Variants in UBR4 observed in about 807,000 individuals in gnomAD.
UBR4 encodes the protein E3 ubiquitin-protein ligase UBR4.
In UBR4, 124 loss-of-function variants were observed where a neutral mutation model predicts 575.6. The observed-to-expected ratio is 0.22, with a 90% CI of 0.19 to 0.25. The LOEUF (loss-of-function observed/expected upper bound fraction) is 0.25, where lower values mean the gene tolerates loss of function less well. Ranked by LOEUF, UBR4 falls within the 10% of genes least tolerant of loss-of-function variation. UBR4 has a pLI of 1.00. For synonymous variants in UBR4, 2,455 were observed against 2,473.7 expected (o/e 0.99, Z 0.22); for missense variants, 4,818 against 6,478.8 (o/e 0.74, Z 8.80).
rs1392326995 is a variant in UBR4, at chr1:19,152,247, G to A, written c.6996+66C>T. On this transcript the variant is annotated intron_variant, in intron 47 of 105. Transcript: ENST00000375254. The surrounding 1 kb of genome is among the most constrained non-coding windows in gnomAD (Gnocchi z 4.4). The stretch of plus-strand genomic sequence containing the variant: ...ATACTTGCTTTCTAAAAGGAGATGT[G>A]TTCTCAAACCATATTGTTTGAGTCC... The A allele has an allele frequency of 6.3e-7, 1 of 1,588,076 alleles. No individual in the cohort carries two copies. The highest frequency in any genetic ancestry group is 1.1e-5 in the South Asian group (1 of 88,778).
rs758554754 is a variant in UBR4 at position 19,160,169 on chromosome 1, T to C, written c.5519A>G (p.Gln1840Arg). Reference sequence around the variant, plus strand: ...CACAGTGTGTAGCTCACTGAGGGCTTGCTGAGCACGGCTGCTGCTCCCGAC... The same window carrying C: ...CACAGTGTGTAGCTCACTGAGGGCTCGCTGAGCACGGCTGCTGCTCCCGAC... ...SAVGSSSRAQ[Q>R]ALSELHTVEK... The change falls in exon 39 of 106, where the codon CAA (glutamine) becomes CGA (arginine). Residue 1840 changes from glutamine (Q) to arginine (R), a missense_variant. Coordinates refer to ENST00000375254, the MANE Select transcript of UBR4 (RefSeq NM_020765.3). 6.2e-7 allele frequency: 1 copy of C among 1,614,082 alleles called. No individual in the cohort carries two copies. Among genetic ancestry groups the C allele is most frequent in the South Asian group, 1.1e-5 (1 of 91,078 alleles).
rs142837056 is a variant in UBR4 at position 19,160,258 on chromosome 1, G to A, written c.5430C>T (p.Leu1810=). 8.1e-6 allele frequency: 13 copies of A among 1,610,992 alleles called. No homozygotes were observed. The highest frequency in any genetic ancestry group is 2.2e-5 in the East Asian group (1 of 44,754). ...QNQANFSFAP[L]VLDMLNFLMD... is the part of the protein sequence containing the mutation. ...TAAGGAAATTAAGCATGTCTAACAC[G>A]AGAGGAGCGAAGGAGAAATTGGCCT... is the stretch of plus-strand genomic sequence containing the variant. The change falls in exon 39 of 106, where the codon CTC becomes CTT. Residue 1810 remains leucine, a synonymous_variant. Transcript: ENST00000375254.
At chr1:19,091,632 A>C (rs2077519963) in intron 97 of UBR4, among the ~76,000 whole-genome samples, 1 of 152,250 alleles carries the variant, frequency 6.6e-6, no homozygotes, top group Non-Finnish European at 1.5e-5. Flanking sequence ...CACATCTTCC[A>C]AACAGTTCAA....
In UBR4 at chr1:19,138,111, G is replaced by A; in HGVS notation, c.8802C>T (p.Ser2934=). 1 of 1,599,050 alleles carries A rather than the reference G, an allele frequency of 6.3e-7. No homozygotes were observed. The highest frequency in any genetic ancestry group is 8.5e-7 in the Non-Finnish European group (1 of 1,171,360). The change falls in exon 60 of 106, where the codon AGC becomes AGT. Residue 2934 remains serine (S), a synonymous_variant. Transcript: ENST00000375254. ...EGHPAGPGSV[S]SSTGAISTTT... The stretch of plus-strand genomic sequence containing the variant: ...TGGTGCTGATGGCTCCAGTGCTTGA[G>A]CTGACACTTCCTGGTCCAGCCGGAT...
intron 97 of UBR4, 129 bp downstream of exon 97, chr1:19,092,690 G>A: frequency 1.5e-6 from 1 of 677,910 alleles, no homozygotes; most frequent in Non-Finnish European, 2.4e-6. Flanking sequence ...CATAGATGAA[G>A]TAGATGACTT....
intron 101 of UBR4, among the ~76,000 whole-genome samples, chr1:19,085,466 G>A (rs926655941): frequency 6.6e-6 from 1 of 152,204 alleles, no homozygotes; most frequent in Non-Finnish European, 1.5e-5. Flanking sequence ...AGGCTGCAGT[G>A]AGCCAAGATC....
chr1:19,075,964 G>A (rs2075894202), intron 105 of UBR4, among the ~76,000 whole-genome samples: 1 of 152,194 alleles, frequency 6.6e-6, no homozygotes, highest in Admixed American at 6.5e-5. Context: ...CGTTGGCTCT[G>A]GGGAGCTGAC....
At chr1:19,120,655 A>G (rs536917570) in intron 68 of UBR4, among the ~76,000 whole-genome samples, 22 of 152,322 alleles carry the variant, frequency 1.4e-4, no homozygotes, top group Admixed American at 1.2e-3. Context: ...GAACAAATAC[A>G]GTGACACTGG....
In UBR4 at chr1:19,210,265, G is replaced by A. The variant is rs2093255200; in HGVS notation, c.-17C>T. The stretch of plus-strand genomic sequence containing the variant: ...CGTCGCCATCTTCCGTCGTACTACT[G>A]CGGCTCCCTCCGGGGGCTTGCCACC... On this transcript the variant is annotated 5_prime_UTR_variant, in exon 1 of 106. Coordinates refer to ENST00000375254, the MANE Select transcript of UBR4 (RefSeq NM_020765.3). 12 of 1,441,440 alleles carry A rather than the reference G, an allele frequency of 8.3e-6. No homozygotes were observed. The highest frequency in any genetic ancestry group is 1.5e-5 in the African/African-American group (1 of 67,078). The allele number at this position is 1,441,440 out of a possible 1,614,324, so 89.3% of individuals were successfully genotyped here. A position where few individuals can be genotyped will look rare whatever the true frequency, so the allele number is the denominator to read the frequency against.
intron 25 of UBR4, among the ~76,000 whole-genome samples, chr1:19,171,234 T>C (rs895763710): frequency 2.6e-5 from 4 of 152,122 alleles, no homozygotes; most frequent in Non-Finnish European, 5.9e-5. Context: ...AAACTGTTTA[T>C]CCAACATTTT....
rs1188193977 is a variant in UBR4 at position 19,139,740 on chromosome 1, CCT to C, written c.8594-522_8594-521del. Reference sequence around the variant, plus strand: ...ACTTAGCATGAGCTCTTGAATCAACCCTGTTTTGGTTTTTTTAGCAAGTGGTC... The same window carrying C: ...ACTTAGCATGAGCTCTTGAATCAACCGTTTTGGTTTTTTTAGCAAGTGGTC... On this transcript the variant is annotated intron_variant, in intron 58 of 105. Transcript: ENST00000375254. This position sits in a 1 kb window ranked among gnomAD's most constrained non-coding sequence, Gnocchi z 4.2. Among the ~76,000 whole-genome samples, 3 of 152,102 alleles carry C rather than the reference CCT, an allele frequency of 2.0e-5. No homozygotes were observed. Among genetic ancestry groups the C allele is most frequent in the Non-Finnish European group, 2.9e-5 (2 of 68,020 alleles).
rs145057984 is a variant in UBR4 at position 19,120,002 on chromosome 1, A to T, written c.10310+178T>A. Among the ~76,000 whole-genome samples the T allele has an allele frequency of 1.9e-3, 294 of 152,308 alleles. 1 individual carries two copies. The highest frequency in any genetic ancestry group is 6.8e-3 in the African/African-American group (281 of 41,570). On this transcript the variant is annotated intron_variant, in intron 69 of 105. Coordinates refer to ENST00000375254, the MANE Select transcript of UBR4 (RefSeq NM_020765.3). ...GAAAACAGATCGTCTCCTGCCTATGACGTCAGTTTAATGGCTAAAAAGCAG... is the reference window on the plus strand; with the variant it reads ...GAAAACAGATCGTCTCCTGCCTATGTCGTCAGTTTAATGGCTAAAAAGCAG...
rs2089830823 is a variant in UBR4 at position 19,173,251 on chromosome 1, A to G, written c.3221T>C (p.Leu1074Pro). Residue 1074 changes from leucine (L) to proline (P), a missense_variant, in exon 24 of 106, where the codon CTG (leucine) becomes CCG (proline). Around this residue, in one of 29 missense-constraint regions of UBR4, gnomAD observed 1,172 missense variants for 1,259.7 expected, o/e 0.93. Coordinates refer to ENST00000375254, the MANE Select transcript of UBR4 (RefSeq NM_020765.3). Reference protein sequence around the residue: ...KAEHASSLLELASTTKCSSVK... With the variant: ...KAEHASSLLEPASTTKCSSVK... ...TGAGCTACACTTAGTGGTGGATGCCAGTTCTAGAAGCGAGCTAGCATGCTC... is the reference window on the plus strand; with the variant it reads ...TGAGCTACACTTAGTGGTGGATGCCGGTTCTAGAAGCGAGCTAGCATGCTC... 1 of 1,614,096 alleles carries G rather than the reference A, an allele frequency of 6.2e-7. No individual in the cohort carries two copies.
rs1043420340 is a variant in UBR4 at position 19,107,103 on chromosome 1, A to G, written c.12106-137T>C. 4.8e-6 allele frequency: 6 copies of G among 1,247,774 alleles called. No homozygotes were observed. The African/African-American group carries it at 9.1e-5, about 19-fold the overall frequency. 77.3% of individuals were successfully genotyped at this position (1,247,774 alleles called of 1,614,324 possible). A position where few individuals can be genotyped will look rare whatever the true frequency, so the allele number is the denominator to read the frequency against. The stretch of plus-strand genomic sequence containing the variant: ...AGGAGGATCAACACGTGTATCTCTT[A>G]TGCCCAAATATGTGTTCCTGTTAAA... On this transcript the variant is annotated intron_variant, in intron 81 of 105. Transcript: ENST00000375254.
rs746065410 is a variant in UBR4, at chr1:19,173,150, G to C, written c.3291+31C>G. On this transcript the variant is annotated intron_variant, in intron 24 of 105. Transcript: ENST00000375254. ...GGCAATGGGCTATGGTAGAAACCAA[G>C]TTCTATCATTTAGGTTCCAATATTA... 4 of 1,613,822 alleles carry C rather than the reference G, an allele frequency of 2.5e-6. No individual in the cohort carries two copies. The African/African-American group carries it at 5.3e-5, about 22-fold the overall frequency.
chr1:19,198,796 C>A lies in UBR4; in HGVS notation c.508+3G>T. 6.2e-7 allele frequency: 1 copy of A among 1,614,168 alleles called. No homozygotes were observed. Among genetic ancestry groups the A allele is most frequent in the South Asian group, 1.1e-5 (1 of 91,076 alleles). On this transcript the variant is annotated splice_donor_region_variant and intron_variant, in intron 4 of 105. Coordinates refer to ENST00000375254, the MANE Select transcript of UBR4 (RefSeq NM_020765.3). ...TGATCAGATCTGTCAAAGGAACACC[C>A]ACCGTCTGAAAGTGTCTTCACTGTT...
chr1:19,149,907 A>C, intron 49 of UBR4: 1 of 791,472 alleles, frequency 1.3e-6, no homozygotes, highest in South Asian at 1.8e-5. Flanking sequence ...GGAAAAAGAA[A>C]GAGAAAGGAA....
intron 60 of UBR4, among the ~76,000 whole-genome samples, chr1:19,131,207 CCTATTTTCAAA>C (rs1043852622): frequency 2.2e-5 from 3 of 138,120 alleles, no homozygotes; most frequent in Admixed American, 7.8e-5. Context: ...TCATACCCAA[CCTATTTTCAAA>C]CTCTTACACA....
chr1:19,152,490 T>G lies in UBR4; in HGVS notation c.6833-14A>C. On this transcript the variant is annotated splice_polypyrimidine_tract_variant and intron_variant, in intron 46 of 105. Coordinates refer to ENST00000375254, the MANE Select transcript of UBR4 (RefSeq NM_020765.3). This position sits in a 1 kb window ranked among gnomAD's most constrained non-coding sequence, Gnocchi z 4.4. ...ACGTGCGGGTTGCTGCAGAGAACGG[T>G]ACCAGATCGTCAAGAGTCTCTCCCA... 6.2e-7 allele frequency: 1 copy of G among 1,613,310 alleles called. No individual in the cohort carries two copies. Among genetic ancestry groups the G allele is most frequent in the South Asian group, 1.1e-5 (1 of 91,034 alleles).
Sources: allele counts gnomAD v4.1 joint callset (sites outside exome capture counted in the v4.1 genomes callset), GRCh38; gene constraint gnomAD v4.1.1; regional missense constraint gnomAD v4.1.1; non-coding constraint Gnocchi (gnomAD v3.1); transcripts MANE v1.5; gene names NCBI Gene and HGNC (gene_info 2026-07-23, HGNC 2026-07-21).